The following GSE1 variants were observed in gnomAD, a reference collection of about 807,000 sequenced individuals.
GSE1 encodes genetic suppressor element 1.
A neutral mutation model predicts 112.6 loss-of-function variants in GSE1; 32 were observed. That is an observed-to-expected ratio of 0.28 (90% CI 0.21 to 0.38). The LOEUF (loss-of-function observed/expected upper bound fraction) is 0.38. Among genes scored for constraint, GSE1 ranks in the 10% least tolerant of loss-of-function variants. The pLI, the probability that GSE1 is intolerant of heterozygous loss-of-function variation, is 1.00. For synonymous variants in GSE1, 1,115 were observed against 735.6 expected (o/e 1.52, Z -8.35); for missense variants, 2,348 against 1,699.2 (o/e 1.38, Z -6.71).
At chr16:85,317,199 G>T (rs181782612) in intron 1 of GSE1, among the ~76,000 whole-genome samples, 1 of 152,340 alleles carries the variant, frequency 6.6e-6, no homozygotes, top group African/African-American at 2.4e-5. Context: ...TGTAGTGACT[G>T]TGACATCAGG....
At chr16:85,331,384 T>C (rs1218508207) in intron 1 of GSE1, among the ~76,000 whole-genome samples, 2 of 139,320 alleles carry the variant, frequency 1.4e-5, no homozygotes, top group Non-Finnish European at 3.1e-5. Flanking sequence ...TATATATATG[T>C]ATATATATGT....
chr16:85,652,791 C>T (rs906096965), intron 3 of GSE1, among the ~76,000 whole-genome samples: 5 of 152,110 alleles, frequency 3.3e-5, no homozygotes, highest in Non-Finnish European at 7.4e-5. Context: ...GTCTCAGAGC[C>T]CCTGGGCCAT....
At chr16:85,517,652 C>T (rs896218450) in intron 2 of GSE1, among the ~76,000 whole-genome samples, 2 of 152,248 alleles carry the variant, frequency 1.3e-5, no homozygotes, top group Non-Finnish European at 2.9e-5. Context: ...CCAGCCCCGG[C>T]AGCCTTTTCT....
At chr16:85,643,321 G>A (rs986167183) in intron 2 of GSE1, among the ~76,000 whole-genome samples, 1 of 152,054 alleles carries the variant, frequency 6.6e-6, no homozygotes, top group Non-Finnish European at 1.5e-5. Flanking sequence ...AGGGTTCGAG[G>A]GCCAGGTGCC....
intron 1 of GSE1, among the ~76,000 whole-genome samples, chr16:85,345,387 C>G (rs112975674): frequency 1.4e-3 from 219 of 152,290 alleles, no homozygotes; most frequent in African/African-American, 4.9e-3. Flanking sequence ...AGAGACCATT[C>G]AGCCCACAAA....
Position 85,585,742 on chromosome 16 carries a change from C to T in GSE1, c.37+29379C>T, listed in dbSNP as rs545181897. On this transcript the variant is annotated intron_variant, in intron 1 of 2. Transcript: ENST00000635906. ...CTTTCCTTGTTTATAGAGCTGACGG[C>T]GATGACACGAGCATCATCCCACTCT... is the stretch of plus-strand genomic sequence containing the variant. Among the ~76,000 whole-genome samples the T allele has an allele frequency of 4.6e-5, 7 of 152,194 alleles. No homozygotes were observed. The East Asian group carries it at 9.6e-4, about 21-fold the overall frequency.
chr16:85,397,290 C>A (rs1188639739), intron 2 of GSE1, among the ~76,000 whole-genome samples: 7 of 152,222 alleles, frequency 4.6e-5, no homozygotes, highest in Non-Finnish European at 1.0e-4. Context: ...CCCAGGGCCA[C>A]ACAGCAGGGC....
intron 1 of GSE1, among the ~76,000 whole-genome samples, chr16:85,577,539 A>C (rs1207618814): frequency 6.6e-6 from 1 of 152,064 alleles, no homozygotes; most frequent in East Asian, 1.9e-4. Context: ...GCATGGGCTC[A>C]TTTCTCCTTC....
chr16:85,648,631 C>T lies in GSE1; in HGVS notation c.306C>T (p.Arg102=), dbSNP rs773702179. The T allele has an allele frequency of 1.6e-5, 25 of 1,605,460 alleles. 1 individual carries two copies. In the Admixed American group the frequency reaches 2.2e-4, roughly 14 times the overall value. The change falls in exon 3 of 16, where the codon CGC becomes CGT. Residue 102 remains arginine, a synonymous_variant. Transcript: ENST00000253458. ...GCTCCCCCGCCAGCACACCCAAGCG[C>T]GTGCCCATGGGCCCTATCATCGTCC... The part of the protein sequence containing the change: ...NHSSPASTPK[R]VPMGPIIVPP...
At chr16:85,606,680 C>T (rs1462808877), upstream of GSE1, among the ~76,000 whole-genome samples, 1 of 152,248 alleles carries the variant, frequency 6.6e-6, no homozygotes. Flanking sequence ...ATCCCTGTGG[C>T]TTGCCTGTGG....
intron 2 of GSE1, among the ~76,000 whole-genome samples, chr16:85,395,126 TGAG>T (rs1312272628): frequency 1.3e-5 from 2 of 151,852 alleles, no homozygotes; most frequent in Non-Finnish European, 2.9e-5. Flanking sequence ...AAGCTGAGGA[TGAG>T]GAGGAAGGAT....
chr16:85,636,693 G>C (rs1009781888), intron 2 of GSE1, among the ~76,000 whole-genome samples: 3 of 152,252 alleles, frequency 2.0e-5, no homozygotes, highest in Non-Finnish European at 2.9e-5. Flanking sequence ...CTTCCCGGGG[G>C]GGGGCTGGGA....
At chr16:85,209,431 G>A (rs996212437) in intron 1 of GSE1, among the ~76,000 whole-genome samples, 7 of 152,126 alleles carry the variant, frequency 4.6e-5, no homozygotes, top group African/African-American at 1.7e-4. Context: ...AGAGGAACCT[G>A]CCGCATTCTG....
At chr16:85,336,675 C>T (rs1037854529) in intron 1 of GSE1, among the ~76,000 whole-genome samples, 1 of 151,570 alleles carries the variant, frequency 6.6e-6, no homozygotes, top group Non-Finnish European at 1.5e-5. Context: ...GATCTTTGCT[C>T]ACTGCACCCT....
rs1177752583 is a variant in GSE1 at position 85,663,041 on chromosome 16, A to G, written c.2321A>G (p.His774Arg). 1.9e-6 allele frequency: 3 copies of G among 1,612,792 alleles called. No individual in the cohort carries two copies. The highest frequency in any genetic ancestry group is 1.3e-5 in the African/African-American group (1 of 74,908). ...AGCGATGAGGAGGAGGTCAGGGCCC[A>G]CCTCCGTTGCGTGGCCGAGCAGCCG... is the stretch of plus-strand genomic sequence containing the variant. ...DESDEEEVRA[H>R]LRCVAEQPPL... The change falls in exon 10 of 16, where the codon CAC becomes CGC. Residue 774 changes from histidine to arginine, a missense_variant. His to Arg is a conservative substitution (Grantham distance 29). Transcript: ENST00000253458.
intron 1 of GSE1, among the ~76,000 whole-genome samples, chr16:85,288,315 G>T (rs1378599353): frequency 6.6e-6 from 1 of 152,208 alleles, no homozygotes; most frequent in Non-Finnish European, 1.5e-5. Context: ...TAATTAGAGA[G>T]GCACTGACCC....
upstream of GSE1, among the ~76,000 whole-genome samples, chr16:85,607,684 G>T (rs1310092415): frequency 6.6e-6 from 1 of 152,008 alleles, no homozygotes; most frequent in Non-Finnish European, 1.5e-5. Flanking sequence ...GGCGAATCTG[G>T]TTCCTCCCCA....
rs193202005 is a variant in GSE1, at chr16:85,244,557, G to A, written c.2283+72750G>A. ...CCACAGGAAATGAATGCAACTATACGTGAAAAACCAGGCCAGGTGCAGTGG... is the reference window on the plus strand; with the variant it reads ...CCACAGGAAATGAATGCAACTATACATGAAAAACCAGGCCAGGTGCAGTGG... On this transcript the variant is annotated intron_variant, in intron 1 of 2. Transcript: ENST00000637419. 3.5e-3 allele frequency among the ~76,000 whole-genome samples: 537 copies of A among 152,228 alleles called. 4 individuals carry two copies. The highest frequency in any genetic ancestry group is 5.0e-3 in the Non-Finnish European group (340 of 68,018).
chr16:85,229,968 C>T (rs1271116707), intron 1 of GSE1, among the ~76,000 whole-genome samples: 4 of 152,180 alleles, frequency 2.6e-5, no homozygotes, highest in Non-Finnish European at 4.4e-5. Flanking sequence ...GTCCAGTTGT[C>T]CAGGGCTGTG....
Sources: allele counts gnomAD v4.1 joint callset (sites outside exome capture counted in the v4.1 genomes callset), GRCh38; gene constraint gnomAD v4.1.1; transcripts MANE v1.5; gene names NCBI Gene and HGNC (gene_info 2026-07-23, HGNC 2026-07-21).